KCNIP4: variants seen among roughly 807,000 people sequenced by gnomAD.
KCNIP4 encodes the protein Kv channel-interacting protein 4.
KCNIP4 carries 12 observed loss-of-function variants against 34.0 expected under a neutral mutation model. The ratio of observed to expected loss-of-function variants is 0.35; its 90% CI spans 0.23 to 0.57. The LOEUF is 0.57. KCNIP4 is among the 20% of genes least tolerant of loss of function. KCNIP4 has a pLI of 0.83. For synonymous variants in KCNIP4, 124 were observed against 102.2 expected, an observed-to-expected ratio of 1.21 and a Z score of -1.29; for missense variants, 238 against 311.7, an observed-to-expected ratio of 0.76 and a Z score of 1.78.
At chr4:21,017,577 T>C (rs1207279017) in intron 1 of KCNIP4, among the ~76,000 whole-genome samples, 1 of 152,212 alleles carries the variant, frequency 6.6e-6, no homozygotes, top group African/African-American at 2.4e-5. Context: ...ACATTTTCTT[T>C]ATCCAGTCTA....
intron 1 of KCNIP4, among the ~76,000 whole-genome samples, chr4:20,928,782 T>A (rs1730153169): frequency 6.6e-6 from 1 of 151,800 alleles, no homozygotes; most frequent in East Asian, 1.9e-4. Context: ...CAATGGAAAC[T>A]TCAGAAGTAA....
intron 1 of KCNIP4, among the ~76,000 whole-genome samples, chr4:21,238,934 A>C (rs1759581950): frequency 6.6e-6 from 1 of 152,344 alleles, no homozygotes; most frequent in East Asian, 1.9e-4. Context: ...CTAAGCCAAA[A>C]GAACAAAGCT....
chr4:21,701,791 C>A (rs1364314816), intron 1 of KCNIP4, among the ~76,000 whole-genome samples: 2 of 151,994 alleles, frequency 1.3e-5, no homozygotes, highest in Non-Finnish European at 2.9e-5. Flanking sequence ...GCAACCTCTA[C>A]CTCCTGGGTT....
At chr4:20,831,266 T>C (rs935485994) in intron 3 of KCNIP4, among the ~76,000 whole-genome samples, 1 of 152,194 alleles carries the variant, frequency 6.6e-6, no homozygotes, top group Non-Finnish European at 1.5e-5. Flanking sequence ...AATATCTCCA[T>C]TTATGCATAA....
chr4:21,447,761 C>T (rs73249586), intron 1 of KCNIP4, among the ~76,000 whole-genome samples: 1 of 151,936 alleles, frequency 6.6e-6, no homozygotes, highest in East Asian at 1.9e-4. Context: ...GTTGTACTCA[C>T]CCTTTTTTTC....
At chr4:21,892,671 A>G (rs746476406) in intron 1 of KCNIP4, among the ~76,000 whole-genome samples, 12 of 152,086 alleles carry the variant, frequency 7.9e-5, no homozygotes, top group Non-Finnish European at 1.6e-4. Flanking sequence ...TAAGTTGTCT[A>G]TAAAATAGAT....
chr4:21,709,807 TAC>T (rs1713577229), intron 1 of KCNIP4, among the ~76,000 whole-genome samples: 1 of 152,196 alleles, frequency 6.6e-6, no homozygotes, highest in African/African-American at 2.4e-5. Flanking sequence ...TACACCAGGT[TAC>T]AATTCTCTTT....
chr4:20,988,813 C>T (rs1380832467), intron 1 of KCNIP4, among the ~76,000 whole-genome samples: 1 of 152,214 alleles, frequency 6.6e-6, no homozygotes, highest in Non-Finnish European at 1.5e-5. Context: ...TACCTTCCCC[C>T]TCTCTGCCTC....
At chr4:21,567,286 A>AT (rs1739970678) in intron 1 of KCNIP4, among the ~76,000 whole-genome samples, 1 of 151,912 alleles carries the variant, frequency 6.6e-6, no homozygotes. Flanking sequence ...ACATACCTAT[A>AT]TTTTTTCCTT....
chr4:20,788,282 A>G (rs1467907109), intron 3 of KCNIP4, among the ~76,000 whole-genome samples: 1 of 152,234 alleles, frequency 6.6e-6, no homozygotes, highest in Non-Finnish European at 1.5e-5. Context: ...CATGACAATG[A>G]AAAGGTTATG....
In KCNIP4 at chr4:20,862,280, C is replaced by A. The variant is rs372940845; in HGVS notation, c.164-11613G>T. ...CTGGGATAACAGACATCAGCCACTG[C>A]ACCTGGATGAGTTATTATTTTTTAG... On this transcript the variant is annotated intron_variant, in intron 2 of 8. Transcript: ENST00000382152. Among the ~76,000 whole-genome samples, 9 of 152,156 alleles carry A rather than the reference C, an allele frequency of 5.9e-5. No individual in the cohort carries two copies. In the East Asian group the frequency reaches 1.4e-3, roughly 23 times the overall value.
chr4:21,837,206 C>G (rs1430857715), intron 1 of KCNIP4, among the ~76,000 whole-genome samples: 3 of 150,176 alleles, frequency 2.0e-5, no homozygotes, highest in Non-Finnish European at 3.0e-5. Flanking sequence ...GCGTGAGCCC[C>G]GCGATCGGCC....
At chr4:21,555,935 A>G (rs1738968331) in intron 1 of KCNIP4, among the ~76,000 whole-genome samples, 1 of 152,060 alleles carries the variant, frequency 6.6e-6, no homozygotes, top group Admixed American at 6.5e-5. Context: ...CTGTGTCTGT[A>G]GACACAGCTG....
intron 1 of KCNIP4, among the ~76,000 whole-genome samples, chr4:20,961,895 T>C (rs1733885831): frequency 6.6e-6 from 1 of 152,230 alleles, no homozygotes. Context: ...AATGCTCATG[T>C]GCATTAACTC....
intron 1 of KCNIP4, among the ~76,000 whole-genome samples, chr4:21,309,803 C>T (rs1168784709): frequency 2.0e-5 from 3 of 152,092 alleles, no homozygotes; most frequent in Admixed American, 6.6e-5. Flanking sequence ...ACCTGAAATT[C>T]AAAGCAGCAT....
intron 5 of KCNIP4, among the ~76,000 whole-genome samples, chr4:20,749,145 G>T (rs1753088273): frequency 9.6e-6 from 1 of 104,354 alleles, no homozygotes. Flanking sequence ...ATGACAGAGC[G>T]AGACTCTTTC....
chr4:21,935,227 C>A (rs1028054282), intron 1 of KCNIP4, among the ~76,000 whole-genome samples: 2 of 152,072 alleles, frequency 1.3e-5, no homozygotes, highest in African/African-American at 2.4e-5. Context: ...CTACTTAATG[C>A]CTCGACAACT....
chr4:21,118,037 G>C (rs1016851385), intron 1 of KCNIP4, among the ~76,000 whole-genome samples: 3 of 152,186 alleles, frequency 2.0e-5, no homozygotes, highest in Non-Finnish European at 4.4e-5. Flanking sequence ...GGGTGGGTGA[G>C]AGGAGGATAG....
chr4:21,605,644 C>G (rs912466607), intron 1 of KCNIP4, among the ~76,000 whole-genome samples: 5 of 152,022 alleles, frequency 3.3e-5, no homozygotes, highest in Admixed American at 3.3e-4. Flanking sequence ...CCACACCCAG[C>G]TAATTTTTGT....
Sources: allele counts gnomAD v4.1 joint callset (sites outside exome capture counted in the v4.1 genomes callset), GRCh38; gene constraint gnomAD v4.1.1; transcripts MANE v1.5; gene names NCBI Gene and HGNC (gene_info 2026-07-23, HGNC 2026-07-21).